Variants in KCNN2 observed in about 807,000 individuals in gnomAD.
KCNN2 encodes potassium calcium-activated channel subfamily N member 2.
Under a neutral mutation model 55.5 loss-of-function variants are expected in KCNN2, and 24 were observed. That is an observed-to-expected ratio of 0.43 (90% CI 0.31 to 0.61). The LOEUF (loss-of-function observed/expected upper bound fraction) is 0.61. KCNN2 is among the 20% of genes least tolerant of loss of function. KCNN2 has a pLI of 0.08. For missense variants in KCNN2, 754 were observed against 853.6 expected (o/e 0.88, Z 1.45); for synonymous variants, 431 against 336.1 (o/e 1.28, Z -3.09).
rs184079006 is a variant in KCNN2 at position 114,161,946 on chromosome 5, A to G, written c.-270-59534A>G. Among the ~76,000 whole-genome samples the G allele has an allele frequency of 5.3e-5, 8 of 152,304 alleles. No homozygotes were observed. In the East Asian group the frequency reaches 1.4e-3, roughly 26 times the overall value. On this transcript the variant is annotated intron_variant, in intron 1 of 10. Transcript: ENST00000512097. ...TTTTAACTTCGTTGCCATTGGTTCA[A>G]GCTTCCTCCTTTAGCTTGGAGTAGT...
chr5:114,346,140 C>T (rs986934496), intron 2 of KCNN2, among the ~76,000 whole-genome samples: 8 of 152,116 alleles, frequency 5.3e-5, no homozygotes, highest in African/African-American at 1.9e-4. Flanking sequence ...ATCACATGGC[C>T]AAAGCAGGAA....
intron 5 of KCNN2, among the ~76,000 whole-genome samples, chr5:114,485,579 C>T (rs1368387551): frequency 6.6e-6 from 1 of 152,176 alleles, no homozygotes; most frequent in African/African-American, 2.4e-5. Flanking sequence ...TTTACTCGAA[C>T]TCCTTTTAAC....
chr5:114,429,872 A>G (rs1193314051), intron 3 of KCNN2, among the ~76,000 whole-genome samples: 1 of 111,768 alleles, frequency 8.9e-6, no homozygotes, highest in Non-Finnish European at 1.7e-5. Context: ...TTCTAGCATC[A>G]TTTGTGGAAA....
intron 1 of KCNN2, among the ~76,000 whole-genome samples, chr5:114,172,493 G>A (rs996954619): frequency 6.6e-6 from 1 of 151,304 alleles, no homozygotes; most frequent in Non-Finnish European, 1.5e-5. Flanking sequence ...GAATTACCTT[G>A]TCTTTCTGGA....
At chr5:114,112,389 G>T (rs1160805708) in intron 1 of KCNN2, among the ~76,000 whole-genome samples, 2 of 152,062 alleles carry the variant, frequency 1.3e-5, no homozygotes, top group African/African-American at 4.8e-5. Flanking sequence ...ATGATGAGTT[G>T]CTGGGTGCAG....
At chr5:114,216,379 G>C (rs1328477894) in intron 1 of KCNN2, among the ~76,000 whole-genome samples, 1 of 152,038 alleles carries the variant, frequency 6.6e-6, no homozygotes, top group African/African-American at 2.4e-5. Context: ...TAACACTTTG[G>C]GAAAATGTAG....
At chr5:114,162,102 T>C (rs1182457413) in intron 1 of KCNN2, among the ~76,000 whole-genome samples, 2 of 152,214 alleles carry the variant, frequency 1.3e-5, no homozygotes, top group Non-Finnish European at 2.9e-5. Context: ...TTCCGGTTTT[T>C]CTGCTCTGTT....
At chr5:114,243,285 A>T (rs1291217103) in intron 2 of KCNN2, among the ~76,000 whole-genome samples, 1 of 152,194 alleles carries the variant, frequency 6.6e-6, no homozygotes, top group African/African-American at 2.4e-5. Flanking sequence ...ACATATGTTT[A>T]CGGTAGTCTC....
chr5:114,161,351 G>C (rs528909949), intron 1 of KCNN2, among the ~76,000 whole-genome samples: 1,422 of 141,568 alleles, frequency 0.01, 29 homozygotes, highest in African/African-American at 0.034. Context: ...CTGGCTTGTA[G>C]AGTTTCTGCC....
rs1762108952 is a variant in KCNN2 at position 114,479,187 on chromosome 5, A to G, written c.1890+6023A>G. Among the ~76,000 whole-genome samples, 4 of 150,720 alleles carry G rather than the reference A, an allele frequency of 2.7e-5. No individual in the cohort carries two copies. The South Asian group carries it at 6.3e-4, about 24-fold the overall frequency. ...GCAGACACACACATAGGCTCAAAAT[A>G]AAGGGATGGAGGAAAATTTACCAAC... is the stretch of plus-strand genomic sequence containing the variant. On this transcript the variant is annotated intron_variant, in intron 5 of 7. Coordinates refer to ENST00000673685, the MANE Select transcript of KCNN2 (RefSeq NM_021614.4).
intron 2 of KCNN2, among the ~76,000 whole-genome samples, chr5:114,286,167 G>C (rs1010254059): frequency 7.9e-5 from 12 of 152,198 alleles, no homozygotes; most frequent in African/African-American, 2.9e-4. Flanking sequence ...TCCTAATTTA[G>C]CTTCAGGAAG....
At chr5:114,293,938 G>A (rs1386889486) in intron 2 of KCNN2, among the ~76,000 whole-genome samples, 1 of 152,146 alleles carries the variant, frequency 6.6e-6, no homozygotes, top group African/African-American at 2.4e-5. Context: ...TATGTGTGGA[G>A]GAATTTATCC....
At chr5:114,173,438 T>TTGTGTG (rs61630138) in intron 1 of KCNN2, among the ~76,000 whole-genome samples, 492 of 142,178 alleles carry the variant, frequency 3.5e-3, no homozygotes, top group Admixed American at 5.8e-3. Context: ...TTTGTTTTGT[T>TTGTGTG]TGTGTGTGTG....
chr5:114,132,490 G>A (rs888342225), intron 1 of KCNN2, among the ~76,000 whole-genome samples: 12 of 152,122 alleles, frequency 7.9e-5, no homozygotes, highest in African/African-American at 2.9e-4. Context: ...ATTGCTGACA[G>A]GATTCTTAAA....
At chr5:114,465,627 A>AAGAG (rs1221153725) in intron 4 of KCNN2, among the ~76,000 whole-genome samples, 1 of 152,006 alleles carries the variant, frequency 6.6e-6, no homozygotes, top group Non-Finnish European at 1.5e-5. Flanking sequence ...AAAAAAAAAA[A>AAGAG]AGAGAGAGGT....
chr5:114,278,972 A>G (rs1755559611), intron 2 of KCNN2, among the ~76,000 whole-genome samples: 1 of 152,048 alleles, frequency 6.6e-6, no homozygotes, highest in Admixed American at 6.5e-5. Context: ...GGAGCTGCAG[A>G]TCGGAGCTGT....
At chr5:114,392,592 C>G (rs925729445) in intron 2 of KCNN2, among the ~76,000 whole-genome samples, 1 of 152,108 alleles carries the variant, frequency 6.6e-6, no homozygotes, top group Non-Finnish European at 1.5e-5. Flanking sequence ...CTGAACATAG[C>G]TTTTCAATTT....
At chr5:114,339,008 T>TA (rs1756971691) in intron 2 of KCNN2, among the ~76,000 whole-genome samples, 1 of 152,204 alleles carries the variant, frequency 6.6e-6, no homozygotes, top group South Asian at 2.1e-4. Flanking sequence ...CTCTGAGAAT[T>TA]ATGCGGTCAG....
intron 2 of KCNN2, among the ~76,000 whole-genome samples, chr5:114,317,330 T>C (rs1756520286): frequency 6.6e-6 from 1 of 152,196 alleles, no homozygotes; most frequent in Non-Finnish European, 1.5e-5. Context: ...CTGCAGTGTC[T>C]TGTTGGCTTG....
Sources: allele counts gnomAD v4.1 joint callset (sites outside exome capture counted in the v4.1 genomes callset), GRCh38; gene constraint gnomAD v4.1.1; transcripts MANE v1.5; gene names NCBI Gene and HGNC (gene_info 2026-07-23, HGNC 2026-07-21).